MAP3K4: variants seen among roughly 807,000 people sequenced by gnomAD.
MAP3K4 encodes the protein MAP three kinase 1.
MAP3K4 carries 67 observed loss-of-function variants against 185.6 expected under a neutral mutation model. The observed-to-expected ratio is 0.36, with a 90% CI of 0.30 to 0.44. MAP3K4 has a LOEUF of 0.44. Ranked by LOEUF, MAP3K4 falls within the 20% of genes least tolerant of loss-of-function variation. The pLI is 1.00. For synonymous variants in MAP3K4, 702 were observed against 710.4 expected, an observed-to-expected ratio of 0.99 and a Z score of 0.19; for missense variants, 1,551 against 1,995.1, an observed-to-expected ratio of 0.78 and a Z score of 4.24.
rs1366215911 is a variant in MAP3K4 at position 161,116,454 on chromosome 6, G to A, written c.4807-396G>A. Among the ~76,000 whole-genome samples, 2 of 152,078 alleles carry A rather than the reference G, an allele frequency of 1.3e-5. No individual in the cohort carries two copies. Among genetic ancestry groups the A allele is most frequent in the East Asian group, 3.9e-4 (2 of 5,188 alleles). ...CCTGCAGGAGAGAGTCCCTGGGAAA[G>A]GAAAGGAAGGGGCAGAAGAGTGGGG... is the stretch of plus-strand genomic sequence containing the variant. On this transcript the variant is annotated intron_variant, in intron 26 of 26. Transcript: ENST00000392142. This position sits in a 1 kb window ranked among gnomAD's most constrained non-coding sequence, Gnocchi z 6.2.
intron 1 of MAP3K4, among the ~76,000 whole-genome samples, chr6:160,997,836 T>C (rs1400076912): frequency 6.6e-6 from 1 of 152,132 alleles, no homozygotes; most frequent in Non-Finnish European, 1.5e-5. Context: ...CCAATTAGGA[T>C]TCTTTCCTGG....
chr6:160,996,836 G>T lies in MAP3K4; in HGVS notation c.152+4753G>T, dbSNP rs997727382. On this transcript the variant is annotated intron_variant, in intron 1 of 26. Coordinates refer to ENST00000392142, the MANE Select transcript of MAP3K4 (RefSeq NM_005922.4). This position sits in a 1 kb window ranked among gnomAD's most constrained non-coding sequence, Gnocchi z 4.5. ...AAAGCCAAAGTATAATTAAGAGATT[G>T]ATTAGTAAGCATGATATTAGCAAGG... 1.3e-5 allele frequency among the ~76,000 whole-genome samples: 2 copies of T among 152,140 alleles called. No homozygotes were observed. Among genetic ancestry groups the T allele is most frequent in the African/African-American group, 4.8e-5 (2 of 41,434 alleles).
In MAP3K4 at chr6:161,098,197, A is replaced by G. The variant is rs1384386635; in HGVS notation, c.3525-81A>G. On this transcript the variant is annotated intron_variant, in intron 16 of 26. Transcript: ENST00000392142. This position sits in a 1 kb window ranked among gnomAD's most constrained non-coding sequence, Gnocchi z 4.4. ...TAAATATATTTCACCCCCTTGCCAT[A>G]TTTTATTTTTAATTGAAAACAATTT... 9.8e-6 allele frequency: 14 copies of G among 1,427,908 alleles called. No individual in the cohort carries two copies. Among genetic ancestry groups the G allele is most frequent in the South Asian group, 4.1e-5 (3 of 72,508 alleles). 88.5% of individuals were successfully genotyped at this position (1,427,908 alleles called of 1,614,324 possible).
At position 161,084,447 on chromosome 6, in the gene MAP3K4, CTA is replaced by C. The variant is rs2114849332; in HGVS notation, c.2256-52_2256-51del. 1 of 856,756 alleles carries C rather than the reference CTA, an allele frequency of 1.2e-6. No individual in the cohort carries two copies. The highest frequency in any genetic ancestry group is 1.4e-5 in the South Asian group (1 of 73,756). 53.1% of individuals were successfully genotyped at this position (856,756 alleles called of 1,614,324 possible). On this transcript the variant is annotated intron_variant, in intron 6 of 26. Transcript: ENST00000392142. This position sits in a 1 kb window ranked among gnomAD's most constrained non-coding sequence, Gnocchi z 4.6. ...TCAAGTTTCTCAGTCAAGAATTAGGCTATGAGTAGGGACAGTTTTCTTCTCTG... is the reference window on the plus strand; with the variant it reads ...TCAAGTTTCTCAGTCAAGAATTAGGCTGAGTAGGGACAGTTTTCTTCTCTG...
intron 1 of MAP3K4, among the ~76,000 whole-genome samples, chr6:161,003,542 T>A (rs1320812455): frequency 6.6e-6 from 1 of 152,188 alleles, no homozygotes; most frequent in African/African-American, 2.4e-5. Context: ...ATCAGAAGAC[T>A]GTACTGCAAG....
At chr6:161,090,616 C>T (rs1249928776) in intron 11 of MAP3K4, among the ~76,000 whole-genome samples, 2 of 55,896 alleles carry the variant, frequency 3.6e-5, no homozygotes, top group Admixed American at 2.6e-4. Context: ...CATGGAGGGC[C>T]GTCCTGCGCA....
Position 161,087,304 on chromosome 6 carries a change from A to C in MAP3K4, c.2557-384A>C, listed in dbSNP as rs1160921680. On this transcript the variant is annotated intron_variant, in intron 9 of 26. Coordinates refer to ENST00000392142, the MANE Select transcript of MAP3K4 (RefSeq NM_005922.4). This position sits in a 1 kb window ranked among gnomAD's most constrained non-coding sequence, Gnocchi z 4.9. ...CTCCCTGCCCTGGAATAATTAGAGA[A>C]TCTGTATTAACAATTTTTGCCTTTT... Among the ~76,000 whole-genome samples the C allele has an allele frequency of 1.3e-5, 2 of 152,180 alleles. No individual in the cohort carries two copies. The highest frequency in any genetic ancestry group is 2.4e-5 in the African/African-American group (1 of 41,452).
chr6:161,095,572 C>T (rs1777528706), intron 15 of MAP3K4, among the ~76,000 whole-genome samples: 1 of 152,194 alleles, frequency 6.6e-6, no homozygotes, highest in Non-Finnish European at 1.5e-5. Flanking sequence ...TTTCTCTGTG[C>T]CCATTTCATC....
chr6:160,999,157 A>G (rs1433168816), intron 1 of MAP3K4, among the ~76,000 whole-genome samples: 2 of 152,210 alleles, frequency 1.3e-5, no homozygotes, highest in Admixed American at 1.3e-4. Flanking sequence ...ATCAGATTTG[A>G]TGTTTTCAGT....
chr6:161,077,054 A>G lies in MAP3K4; in HGVS notation c.2097+3442A>G, dbSNP rs1328417098. ...GCATTGCAACTTATCGGAAATTTATATACATTATAATCCAGTTTAGGTAAC... is the reference window on the plus strand; with the variant it reads ...GCATTGCAACTTATCGGAAATTTATGTACATTATAATCCAGTTTAGGTAAC... On this transcript the variant is annotated intron_variant, in intron 5 of 26. Coordinates refer to ENST00000392142, the MANE Select transcript of MAP3K4 (RefSeq NM_005922.4). The surrounding 1 kb of genome is among the most constrained non-coding windows in gnomAD (Gnocchi z 4.3). Among the ~76,000 whole-genome samples the G allele has an allele frequency of 6.6e-6, 1 of 152,212 alleles. No individual in the cohort carries two copies. Among genetic ancestry groups the G allele is most frequent in the Non-Finnish European group, 1.5e-5 (1 of 68,044 alleles).
At chr6:161,052,390 C>T (rs571067773) in intron 3 of MAP3K4, among the ~76,000 whole-genome samples, 98 of 152,254 alleles carry the variant, frequency 6.4e-4, no homozygotes, top group Non-Finnish European at 1.2e-3. Context: ...ATTGAGATTT[C>T]GCTGAAGAGG....
chr6:161,073,376 G>A lies in MAP3K4; in HGVS notation c.1951-90G>A, dbSNP rs1276524599. On this transcript the variant is annotated intron_variant, in intron 4 of 26. Coordinates refer to ENST00000392142, the MANE Select transcript of MAP3K4 (RefSeq NM_005922.4). This position sits in a 1 kb window ranked among gnomAD's most constrained non-coding sequence, Gnocchi z 4.2. ...TTTTTAGAGGCAAGGTTCCCTCTGA[G>A]TTTTTTGAAGATTTAAGTAGGAAGA... 18 of 1,343,652 alleles carry A rather than the reference G, an allele frequency of 1.3e-5. No individual in the cohort carries two copies. Among genetic ancestry groups the A allele is most frequent in the Non-Finnish European group, 1.8e-5 (18 of 1,010,542 alleles). The allele number at this position is 1,343,652 out of a possible 1,614,324, so 83.2% of individuals were successfully genotyped here.
Position 161,080,203 on chromosome 6 carries a change from C to G in MAP3K4, c.2098-678C>G, listed in dbSNP as rs748089569. Among the ~76,000 whole-genome samples the G allele has an allele frequency of 6.6e-6, 1 of 152,172 alleles. No homozygotes were observed. The highest frequency in any genetic ancestry group is 2.4e-5 in the African/African-American group (1 of 41,446). ...TCTTTTAAGTAAAGGAGTCCATAGA[C>G]AGGGTTGTTCTAGAAGGTGGCCATT... On this transcript the variant is annotated intron_variant, in intron 5 of 26. Coordinates refer to ENST00000392142, the MANE Select transcript of MAP3K4 (RefSeq NM_005922.4). This position sits in a 1 kb window ranked among gnomAD's most constrained non-coding sequence, Gnocchi z 4.8.
rs781023883 is a variant in MAP3K4 at position 161,098,304 on chromosome 6, G to A, written c.3551G>A (p.Arg1184Gln). The part of the protein sequence containing the change: ...FSTRSMPSDA[R>Q]SHGSPAAAAA... The stretch of plus-strand genomic sequence containing the variant: ...ACTCGGAGCATGCCTTCCGACGCGC[G>A]GAGCCATGGCAGCCCTGCTGCTGCT... Residue 1184 changes from arginine to glutamine, a missense_variant, in exon 17 of 27, where the codon CGG (arginine) becomes CAG (glutamine). By Grantham distance (43) the Arg-to-Gln change is conservative. Around this residue, in one of 16 missense-constraint regions of MAP3K4, gnomAD observed 272 missense variants for 301.2 expected, o/e 0.90. Coordinates refer to ENST00000392142, the MANE Select transcript of MAP3K4 (RefSeq NM_005922.4). The surrounding 1 kb of genome is among the most constrained non-coding windows in gnomAD (Gnocchi z 4.4). The A allele has an allele frequency of 5.0e-6, 8 of 1,606,520 alleles. No individual in the cohort carries two copies. Among genetic ancestry groups the A allele is most frequent in the East Asian group, 2.2e-5 (1 of 44,504 alleles).
Position 161,116,972 on chromosome 6 carries a change from C to T in MAP3K4, c.*102C>T, listed in dbSNP as rs1778612243. 8.0e-6 allele frequency: 9 copies of T among 1,122,964 alleles called. No homozygotes were observed. The highest frequency in any genetic ancestry group is 1.1e-5 in the Non-Finnish European group (8 of 746,426). 69.6% of individuals were successfully genotyped at this position (1,122,964 alleles called of 1,614,324 possible). A position where few individuals can be genotyped will look rare whatever the true frequency, so the allele number is the denominator to read the frequency against. On this transcript the variant is annotated 3_prime_UTR_variant, in exon 27 of 27. Transcript: ENST00000392142. The surrounding 1 kb of genome is among the most constrained non-coding windows in gnomAD (Gnocchi z 6.2). ...AAGCAGTATAAGCCTTTTTAACCTT[C>T]CAAGACTGAAGACTGCACAGGTGAC...
intron 25 of MAP3K4, among the ~76,000 whole-genome samples, chr6:161,113,866 C>T (rs1267206252): frequency 2.4e-5 from 3 of 124,172 alleles, no homozygotes; most frequent in Admixed American, 1.1e-4. Flanking sequence ...GGCATGATCT[C>T]GGCTCACTGC....
Position 161,073,311 on chromosome 6 carries a change from A to G in MAP3K4, c.1951-155A>G, listed in dbSNP as rs1476007073. 1.2e-5 allele frequency: 7 copies of G among 584,156 alleles called. No homozygotes were observed. The highest frequency in any genetic ancestry group is 1.4e-5 in the Non-Finnish European group (5 of 359,456). The allele number at this position is 584,156 out of a possible 1,614,324, so 36.2% of individuals were successfully genotyped here. A position where few individuals can be genotyped will look rare whatever the true frequency, so the allele number is the denominator to read the frequency against. On this transcript the variant is annotated intron_variant, in intron 4 of 26. Coordinates refer to ENST00000392142, the MANE Select transcript of MAP3K4 (RefSeq NM_005922.4). The surrounding 1 kb of genome is among the most constrained non-coding windows in gnomAD (Gnocchi z 4.2). The stretch of plus-strand genomic sequence containing the variant: ...CAATTGAGACTACTAAGGTATTTAC[A>G]TAAAATGAACTGATCAAGAATCTAG...
At chr6:161,020,040 GTC>G (rs1782304896) in intron 1 of MAP3K4, among the ~76,000 whole-genome samples, 1 of 152,138 alleles carries the variant, frequency 6.6e-6, no homozygotes, top group Admixed American at 6.5e-5. Flanking sequence ...GGGTAGAGGT[GTC>G]TCTGTCCCTG....
intron 13 of MAP3K4, among the ~76,000 whole-genome samples, chr6:161,092,355 G>A (rs932239979): frequency 2.6e-5 from 4 of 152,016 alleles, no homozygotes; most frequent in African/African-American, 9.7e-5. Context: ...CCAAATTTGA[G>A]TTACCTTTAA....
Sources: gnomAD v4.1 joint callset for allele counts (sites outside exome capture counted in the v4.1 genomes callset) on GRCh38, gnomAD v4.1.1 for gene constraint, gnomAD v4.1.1 regional missense constraint, Gnocchi (gnomAD v3.1) non-coding constraint, MANE v1.5 for transcripts, NCBI Gene and HGNC (gene_info 2026-07-23, HGNC 2026-07-21) for gene names.